TMEM50B: variants seen among roughly 807,000 people sequenced by gnomAD.
TMEM50B encodes transmembrane protein 50B, also known as HCV p7-trans-regulated protein 3.
A neutral mutation model predicts 23.4 loss-of-function variants in TMEM50B; 14 were observed. The observed-to-expected ratio is 0.60, with a 90% confidence interval of 0.39 to 0.93. The LOEUF is 0.93. Among genes scored for constraint, TMEM50B ranks in the 40% least tolerant of loss-of-function variants. The pLI, the probability that TMEM50B is intolerant of heterozygous loss-of-function variation, is 0.00. For synonymous variants in TMEM50B, 64 were observed against 62.3 expected, an observed-to-expected ratio of 1.03 and a Z score of -0.13; for missense variants, 159 against 193.0, an observed-to-expected ratio of 0.82 and a Z score of 1.04.
chr21:33,464,446 C>G (rs968944804), intron 4 of TMEM50B, among the ~76,000 whole-genome samples: 2 of 150,004 alleles, frequency 1.3e-5, no homozygotes, highest in African/African-American at 4.9e-5. Flanking sequence ...GTGTTCCACC[C>G]GTCTCAGCCT....
At chr21:33,445,236 C>T (rs2084042151), downstream of TMEM50B, among the ~76,000 whole-genome samples, 1 of 152,224 alleles carries the variant, frequency 6.6e-6, no homozygotes, top group Non-Finnish European at 1.5e-5. Flanking sequence ...TCTACACTGG[C>T]ATAATCCATG....
At chr21:33,460,617 G>T (rs923160290) in intron 4 of TMEM50B, 112 bp from the exon 5 acceptor site, 2 of 453,980 alleles carry the variant, frequency 4.4e-6, no homozygotes, top group Non-Finnish European at 4.0e-6. Flanking sequence ...GCATATCAAA[G>T]ATAGTCATAT....
intron 6 of TMEM50B, 93 bp from the exon 7 acceptor site, chr21:33,450,956 C>T (rs1286318053): frequency 2.0e-6 from 2 of 982,234 alleles, no homozygotes; most frequent in Non-Finnish European, 3.1e-6. Flanking sequence ...AGGTACTTCA[C>T]TGATTCCTAT....
At chr21:33,443,710 T>A (rs1169333277) in intron 7 of TMEM50B, among the ~76,000 whole-genome samples, 1 of 152,206 alleles carries the variant, frequency 6.6e-6, no homozygotes, top group African/African-American at 2.4e-5. Context: ...TCAATGTTAA[T>A]TTTCTGACTT....
downstream of TMEM50B, chr21:33,448,875 C>G (rs2084090896): frequency 1.3e-5 from 2 of 151,018 alleles, no homozygotes; most frequent in African/African-American, 4.9e-5. Context: ...CCACTGCACT[C>G]CAGCCTAGGC....
intron 7 of TMEM50B, among the ~76,000 whole-genome samples, chr21:33,442,961 T>C (rs187438848): frequency 6.6e-6 from 1 of 151,930 alleles, no homozygotes; most frequent in East Asian, 1.9e-4. Flanking sequence ...AAGCACAACA[T>C]ATGATATTAA....
intron 7 of TMEM50B, among the ~76,000 whole-genome samples, chr21:33,439,681 TAA>T (rs1315232736): frequency 6.6e-6 from 1 of 150,732 alleles, no homozygotes; most frequent in Non-Finnish European, 1.5e-5. Context: ...TGCCCAGCCT[TAA>T]ATAGTATTTT....
intron 4 of TMEM50B, among the ~76,000 whole-genome samples, chr21:33,464,824 A>C (rs1419734200): frequency 6.7e-6 from 1 of 148,290 alleles, no homozygotes; most frequent in East Asian, 2.0e-4. Context: ...AAAAAAAAAA[A>C]CAAAAATTGG....
At chr21:33,466,987 T>C in intron 3 of TMEM50B, 23 bp downstream of exon 3, 2 of 1,588,824 alleles carry the variant, frequency 1.3e-6, no homozygotes, top group Non-Finnish European at 8.6e-7. Context: ...TCACCTTGAA[T>C]AGAGAATTAT....
At chr21:33,454,559 C>G (rs1284612691) in intron 6 of TMEM50B, among the ~76,000 whole-genome samples, 1 of 152,156 alleles carries the variant, frequency 6.6e-6, no homozygotes, top group Non-Finnish European at 1.5e-5. Context: ...CTTCAGCCTC[C>G]CAAAGTGCTG....
In TMEM50B at chr21:33,471,697, G is replaced by T. The variant is rs528026098; in HGVS notation, c.-41-2771C>A. Among the ~76,000 whole-genome samples, 11 of 152,250 alleles carry T rather than the reference G, an allele frequency of 7.2e-5. No homozygotes were observed. In the South Asian group the frequency reaches 2.3e-3, roughly 32 times the overall value. On this transcript the variant is annotated intron_variant, in intron 1 of 6. Coordinates refer to ENST00000542230, the MANE Select transcript of TMEM50B (RefSeq NM_006134.7). ...AAGCCCAGCCCAGGCAACATAGCAA[G>T]ACCCTGTCTCTAAAAAATAAATTAA...
In TMEM50B at chr21:33,465,095, A is replaced by T. The variant is rs140307342; in HGVS notation, c.280+247T>A. On this transcript the variant is annotated intron_variant, in intron 4 of 6. Transcript: ENST00000542230. Reference sequence around the variant, plus strand: ...AATCCATCATTAGCACTGGAGTCCAAGATCCATTTGAATAGCAACATTTTT... The same window carrying T: ...AATCCATCATTAGCACTGGAGTCCATGATCCATTTGAATAGCAACATTTTT... 2.0e-3 allele frequency: 769 copies of T among 392,626 alleles called. 5 individuals are homozygous for T. Among genetic ancestry groups the T allele is most frequent in the African/African-American group, 0.014 (703 of 48,578 alleles). 24.3% of individuals were successfully genotyped at this position (392,626 alleles called of 1,614,324 possible).
intron 7 of TMEM50B, among the ~76,000 whole-genome samples, chr21:33,441,964 T>G (rs1335342424): frequency 6.6e-6 from 1 of 152,164 alleles, no homozygotes; most frequent in South Asian, 2.1e-4. Flanking sequence ...CATTTTTGCA[T>G]GAGAATCCTT....
At chr21:33,446,915 G>C (rs2084065426), downstream of TMEM50B, 1 of 152,102 alleles carries the variant, frequency 6.6e-6, no homozygotes, top group Non-Finnish European at 1.5e-5. Flanking sequence ...GGCCGAGGCG[G>C]GTGGATCACC....
At chr21:33,444,093 A>G (rs1318330251) in intron 7 of TMEM50B, among the ~76,000 whole-genome samples, 2 of 151,880 alleles carry the variant, frequency 1.3e-5, no homozygotes, top group Non-Finnish European at 1.5e-5. Context: ...TAGAGATGGG[A>G]TTTCACCATG....
chr21:33,444,660 T>A (rs73195833), downstream of TMEM50B, among the ~76,000 whole-genome samples: 13,951 of 151,874 alleles, frequency 0.092, 872 homozygotes, highest in East Asian at 0.25. Context: ...AGCACAGACC[T>A]GTACTATAGT....
In TMEM50B at chr21:33,479,839, CAGCT is replaced by C. The variant is rs2084411892; in HGVS notation, c.-47_-44del. ...CGGAGACCCACAGACAGGACTCACC[CAGCT>C]TCCTCAAACGCCCACGCCGACTTCA... is the stretch of plus-strand genomic sequence containing the variant. On this transcript the variant is annotated splice_region_variant and 5_prime_UTR_variant, in exon 1 of 7. Coordinates refer to ENST00000542230, the MANE Select transcript of TMEM50B (RefSeq NM_006134.7). 1 of 152,204 alleles carries C rather than the reference CAGCT, an allele frequency of 6.6e-6. No individual in the cohort carries two copies. 9.4% of individuals were successfully genotyped at this position (152,204 alleles called of 1,614,324 possible). A position where few individuals can be genotyped will look rare whatever the true frequency, so the allele number is the denominator to read the frequency against.
At chr21:33,474,296 C>G (rs1215024917) in intron 1 of TMEM50B, among the ~76,000 whole-genome samples, 1 of 151,980 alleles carries the variant, frequency 6.6e-6, no homozygotes, top group Non-Finnish European at 1.5e-5. Context: ...CTCAGCCTCC[C>G]AAAATGCTGA....
At position 33,476,961 on chromosome 21, in the gene TMEM50B, T is replaced by C. The variant is rs149267615; in HGVS notation, c.-42+2877A>G. On this transcript the variant is annotated intron_variant, in intron 1 of 6. Coordinates refer to ENST00000542230, the MANE Select transcript of TMEM50B (RefSeq NM_006134.7). ...CATCAATAAGGAACCAAAAAATGTA[T>C]ATTAGGGTACATCCAAACAACGGTA... Among the ~76,000 whole-genome samples the C allele has an allele frequency of 1.6e-3, 248 of 151,820 alleles. 1 individual carries two copies. The highest frequency in any genetic ancestry group is 0.014 in the Middle Eastern group (4 of 294).
Sources: allele counts gnomAD v4.1 joint callset (sites outside exome capture counted in the v4.1 genomes callset), GRCh38; gene constraint gnomAD v4.1.1; transcripts MANE v1.5; gene names NCBI Gene and HGNC (gene_info 2026-07-23, HGNC 2026-07-21).